Variants in RGS7 observed in about 807,000 individuals in gnomAD.
RGS7 encodes the protein regulator of G protein signaling 7.
In RGS7, 27 loss-of-function variants were observed where a neutral mutation model predicts 81.1. That is an observed-to-expected ratio of 0.33 (90% CI 0.25 to 0.46). The LOEUF (loss-of-function observed/expected upper bound fraction) is 0.46. RGS7 is among the 20% of genes least tolerant of loss of function. The pLI, the probability that RGS7 is intolerant of heterozygous loss-of-function variation, is 1.00. For missense variants in RGS7, 396 were observed against 607.4 expected, an observed-to-expected ratio of 0.65 and a Z score of 3.66; for synonymous variants, 208 against 207.7, an observed-to-expected ratio of 1.00 and a Z score of -0.01.
chr1:241,155,577 GAAAA>G (rs58091813), intron 2 of RGS7, among the ~76,000 whole-genome samples: 1 of 116,572 alleles, frequency 8.6e-6, no homozygotes, highest in Non-Finnish European at 1.9e-5. Flanking sequence ...TTGAAAAAAA[GAAAA>G]AAAAAAAAAA....
chr1:240,939,024 TC>T (rs966217492), intron 4 of RGS7, among the ~76,000 whole-genome samples: 1 of 152,084 alleles, frequency 6.6e-6, no homozygotes, highest in African/African-American at 2.4e-5. Flanking sequence ...TCTCTGTGCC[TC>T]CCCCATCTAT....
chr1:240,967,143 G>A (rs1682440765), intron 4 of RGS7, among the ~76,000 whole-genome samples: 1 of 152,222 alleles, frequency 6.6e-6, no homozygotes, highest in Non-Finnish European at 1.5e-5. Flanking sequence ...ATCCTTGGAA[G>A]TGGTCAATCT....
chr1:241,303,121 A>C (rs2079872859), intron 2 of RGS7, among the ~76,000 whole-genome samples: 1 of 152,138 alleles, frequency 6.6e-6, no homozygotes, highest in African/African-American at 2.4e-5. Flanking sequence ...ACTATCTGAT[A>C]TGGTTTGGAT....
intron 9 of RGS7, among the ~76,000 whole-genome samples, chr1:240,837,706 G>A (rs1292685727): frequency 6.6e-6 from 1 of 152,138 alleles, no homozygotes; most frequent in African/African-American, 2.4e-5. Flanking sequence ...AAGGTAAGGT[G>A]CCAAAAAGTA....
intron 2 of RGS7, among the ~76,000 whole-genome samples, chr1:241,131,092 A>ATT (rs141149818): frequency 5.3e-5 from 8 of 150,390 alleles, no homozygotes; most frequent in African/African-American, 1.7e-4. Flanking sequence ...GACATGATTC[A>ATT]TTTTTTTTTA....
At chr1:241,281,024 C>G (rs2078472844) in intron 2 of RGS7, among the ~76,000 whole-genome samples, 1 of 151,838 alleles carries the variant, frequency 6.6e-6, no homozygotes, top group African/African-American at 2.4e-5. Flanking sequence ...TCAAAGCTCA[C>G]AGATGAACCA....
At chr1:241,328,479 G>A (rs1024382565) in intron 2 of RGS7, among the ~76,000 whole-genome samples, 9 of 152,304 alleles carry the variant, frequency 5.9e-5, no homozygotes, top group South Asian at 4.1e-4. Flanking sequence ...ATCTGTCCTA[G>A]TGGACTGGAA....
intron 2 of RGS7, among the ~76,000 whole-genome samples, chr1:241,234,971 T>A (rs2075849769): frequency 6.6e-6 from 1 of 152,238 alleles, no homozygotes; most frequent in Non-Finnish European, 1.5e-5. Flanking sequence ...GGCATACAAT[T>A]TGGCCTTCAA....
chr1:240,807,805 C>T lies in RGS7; in HGVS notation c.1083-1479G>A, dbSNP rs1051829358. 5.3e-5 allele frequency among the ~76,000 whole-genome samples: 8 copies of T among 152,110 alleles called. No individual in the cohort carries two copies. In the South Asian group the frequency reaches 6.2e-4, roughly 12 times the overall value. ...ATCCCAGCACTTTGGGAGGCTGAGGCGGGCAGATAACCTGAGGTCGGGAGT... is the reference window on the plus strand; with the variant it reads ...ATCCCAGCACTTTGGGAGGCTGAGGTGGGCAGATAACCTGAGGTCGGGAGT... On this transcript the variant is annotated intron_variant, in intron 14 of 18. Transcript: ENST00000440928.
At chr1:241,096,667 T>C (rs1001510164) in intron 3 of RGS7, among the ~76,000 whole-genome samples, 1 of 152,234 alleles carries the variant, frequency 6.6e-6, no homozygotes, top group Admixed American at 6.5e-5. Flanking sequence ...TCAATTAAAA[T>C]CTTAATGTTG....
At chr1:241,307,426 T>C (rs1186302843) in intron 2 of RGS7, among the ~76,000 whole-genome samples, 1 of 152,220 alleles carries the variant, frequency 6.6e-6, no homozygotes. Flanking sequence ...TCAATTATCC[T>C]GGTACTTCCC....
At chr1:240,982,344 C>T (rs1276996484) in intron 4 of RGS7, among the ~76,000 whole-genome samples, 1 of 144,648 alleles carries the variant, frequency 6.9e-6, no homozygotes, top group Non-Finnish European at 1.5e-5. Context: ...ATTGCTTGAA[C>T]CTAGGAGGCA....
intron 3 of RGS7, among the ~76,000 whole-genome samples, chr1:241,025,378 C>T (rs988612788): frequency 2.0e-5 from 3 of 152,152 alleles, no homozygotes. Flanking sequence ...TTAATCCTTA[C>T]AAAAATTATT....
chr1:241,127,926 A>T (rs528060069), intron 2 of RGS7, among the ~76,000 whole-genome samples: 1 of 152,312 alleles, frequency 6.6e-6, no homozygotes, highest in South Asian at 2.1e-4. Flanking sequence ...TATACTTGAA[A>T]AAAAAGTACA....
chr1:240,777,885 A>ATCTAATGACCTTCCAAAGGCCCTGG (rs1558234059), intron 18 of RGS7, among the ~76,000 whole-genome samples: 29 of 113,944 alleles, frequency 2.5e-4, no homozygotes, highest in African/African-American at 9.7e-4. Context: ...AAAGGCCCTG[A>ATCTAATGACCTTCCAAAGGCCCTGG]CTCCTAATAC....
intron 2 of RGS7, among the ~76,000 whole-genome samples, chr1:241,269,139 C>A (rs1053050778): frequency 6.6e-6 from 1 of 152,174 alleles, no homozygotes; most frequent in African/African-American, 2.4e-5. Context: ...CTCATGCTCC[C>A]AGATTAGTTT....
chr1:241,241,659 C>A (rs1283804373), intron 2 of RGS7, among the ~76,000 whole-genome samples: 2 of 152,080 alleles, frequency 1.3e-5, no homozygotes, highest in East Asian at 3.9e-4. Context: ...ATTCTCTTCA[C>A]CTGGCAGGTG....
At chr1:240,950,818 C>T (rs1447023144) in intron 4 of RGS7, among the ~76,000 whole-genome samples, 3 of 152,164 alleles carry the variant, frequency 2.0e-5, no homozygotes, top group Non-Finnish European at 2.9e-5. Context: ...TTTATAACCA[C>T]AGCAAACATT....
In RGS7 at chr1:240,827,125, T is replaced by C; in HGVS notation, c.657A>G (p.Arg219=). 1 of 1,613,980 alleles carries C rather than the reference T, an allele frequency of 6.2e-7. No individual in the cohort carries two copies. The highest frequency in any genetic ancestry group is 8.5e-7 in the Non-Finnish European group (1 of 1,179,820). Residue 219 remains arginine, a synonymous_variant, in exon 10 of 19, where the codon AGA becomes AGG. Coordinates refer to ENST00000440928, the MANE Select transcript of RGS7 (RefSeq NM_001364886.1). ...TTEVDIKKSS[R]MRNPHKTRKS... ...TCCGTGTTTTGTGGGGGTTTCTCAT[T>C]CTGGATGACTTCTTAATGTCCACTT...
Sources: gnomAD v4.1 joint callset for allele counts (sites outside exome capture counted in the v4.1 genomes callset) on GRCh38, gnomAD v4.1.1 for gene constraint, MANE v1.5 for transcripts, NCBI Gene and HGNC (gene_info 2026-07-23, HGNC 2026-07-21) for gene names.